PRKAG2: variants seen among roughly 807,000 people sequenced by gnomAD.
PRKAG2 encodes protein kinase AMP-activated non-catalytic subunit gamma 2.
In PRKAG2, 26 loss-of-function variants were observed where a neutral mutation model predicts 69.6. That is an observed-to-expected ratio of 0.37 (90% CI 0.27 to 0.52). The LOEUF (loss-of-function observed/expected upper bound fraction) is 0.52. Ranked by LOEUF, PRKAG2 falls within the 20% of genes least tolerant of loss-of-function variation. The pLI, the probability that PRKAG2 is intolerant of heterozygous loss-of-function variation, is 0.90. For synonymous variants in PRKAG2, 293 were observed against 285.0 expected, an observed-to-expected ratio of 1.03 and a Z score of -0.28; for missense variants, 557 against 740.0, an observed-to-expected ratio of 0.75 and a Z score of 2.87.
chr7:151,758,982 CCATCTCTTTACTGCACAGTAGCCAGA>C (rs2075260595), intron 3 of PRKAG2, among the ~76,000 whole-genome samples: 1 of 152,182 alleles, frequency 6.6e-6, no homozygotes. Flanking sequence ...CCTGTCTCTA[CCATCTCTTTACTGCACAGTAGCCAGA>C]CATCTCTCTG....
At chr7:151,805,577 CTG>C (rs1203318102) in intron 1 of PRKAG2, among the ~76,000 whole-genome samples, 1 of 152,140 alleles carries the variant, frequency 6.6e-6, no homozygotes, top group Non-Finnish European at 1.5e-5. Flanking sequence ...AATCTAAAAA[CTG>C]GGAATCATGG....
Position 151,719,711 on chromosome 7 carries a change from C to T in PRKAG2, c.467-44074G>A, listed in dbSNP as rs1474749796. 1.3e-5 allele frequency among the ~76,000 whole-genome samples: 2 copies of T among 152,166 alleles called. No individual in the cohort carries two copies. Among genetic ancestry groups the T allele is most frequent in the Non-Finnish European group, 2.9e-5 (2 of 68,042 alleles). On this transcript the variant is annotated intron_variant, in intron 3 of 15. Coordinates refer to ENST00000287878, the MANE Select transcript of PRKAG2 (RefSeq NM_016203.4). This position sits in a 1 kb window ranked among gnomAD's most constrained non-coding sequence, Gnocchi z 5.2. ...CAGCACCACTGTCTTGCGATGGGCA[C>T]TGTCACTCCCACCTGGCTTCCCAGA...
rs565194432 is a variant in PRKAG2, at chr7:151,826,912, G to A, written c.115-40371C>T. ...TTTCTGTATTGCACACATACATCACGGCAGAGACTGTGGTCAGGAAAGGCT... is the reference window on the plus strand; with the variant it reads ...TTTCTGTATTGCACACATACATCACAGCAGAGACTGTGGTCAGGAAAGGCT... On this transcript the variant is annotated intron_variant, in intron 1 of 15. Transcript: ENST00000287878. Among the ~76,000 whole-genome samples the A allele has an allele frequency of 5.9e-5, 9 of 152,196 alleles. No homozygotes were observed. In the East Asian group the frequency reaches 1.4e-3, roughly 23 times the overall value.
intron 1 of PRKAG2, among the ~76,000 whole-genome samples, chr7:151,819,048 G>A (rs573189193): frequency 1.2e-4 from 18 of 152,222 alleles, no homozygotes; most frequent in Middle Eastern, 3.2e-3. Flanking sequence ...GCTCCCTGGC[G>A]AAATGAGTGG....
At chr7:151,631,689 T>G (rs1824464588) in intron 5 of PRKAG2, 1 of 458,544 alleles carries the variant, frequency 2.2e-6, no homozygotes. Flanking sequence ...GATTAAAGGG[T>G]CTGGACTGTG....
Position 151,557,075 on chromosome 7 carries a change from G to A in PRKAG2, c.*126C>T. On this transcript the variant is annotated 3_prime_UTR_variant, in exon 16 of 16. Coordinates refer to ENST00000287878, the MANE Select transcript of PRKAG2 (RefSeq NM_016203.4). ...TTTAAGCTTAATTTCAACATCACTG[G>A]AAGAAATACCTATTGTTAAACCCTG... 4.8e-6 allele frequency: 7 copies of A among 1,464,324 alleles called. No homozygotes were observed. The highest frequency in any genetic ancestry group is 6.7e-6 in the Non-Finnish European group (7 of 1,049,844). 90.7% of individuals were successfully genotyped at this position (1,464,324 alleles called of 1,614,324 possible). A position where few individuals can be genotyped will look rare whatever the true frequency, so the allele number is the denominator to read the frequency against.
chr7:151,759,988 T>A (rs530979432), intron 3 of PRKAG2, among the ~76,000 whole-genome samples: 132 of 152,372 alleles, frequency 8.7e-4, no homozygotes, highest in Non-Finnish European at 1.3e-3. Flanking sequence ...TCCCAAGATG[T>A]GGACTGTGGT....
At chr7:151,581,604 T>A (rs1012612827) in intron 6 of PRKAG2, among the ~76,000 whole-genome samples, 25 of 152,208 alleles carry the variant, frequency 1.6e-4, no homozygotes, top group Admixed American at 3.9e-4. Flanking sequence ...AACCCAAGAA[T>A]AAATATTGCT....
At chr7:151,563,911 T>G (rs1423668942) in intron 14 of PRKAG2, among the ~76,000 whole-genome samples, 167 bp downstream of exon 14, 1 of 152,230 alleles carries the variant, frequency 6.6e-6, no homozygotes, top group Admixed American at 6.5e-5. Context: ...ATCGCCTATA[T>G]GCCAAGTAGT....
intron 1 of PRKAG2, among the ~76,000 whole-genome samples, chr7:151,861,730 C>T (rs1261691975): frequency 6.6e-6 from 1 of 151,962 alleles, no homozygotes; most frequent in African/African-American, 2.4e-5. Context: ...GCATCTCAGT[C>T]ATGCTCCCCC....
At chr7:151,696,162 C>T (rs1836604115) in intron 3 of PRKAG2, among the ~76,000 whole-genome samples, 1 of 152,238 alleles carries the variant, frequency 6.6e-6, no homozygotes, top group South Asian at 2.1e-4. Flanking sequence ...TTCACCCCAA[C>T]CAAATACCTC....
At chr7:151,666,777 C>A (rs912838200) in intron 4 of PRKAG2, among the ~76,000 whole-genome samples, 1 of 152,150 alleles carries the variant, frequency 6.6e-6, no homozygotes, top group Non-Finnish European at 1.5e-5. Context: ...AACCAACCAT[C>A]CTGCAGCCTT....
chr7:151,566,683 T>C (rs896285366), intron 11 of PRKAG2: 1 of 399,370 alleles, frequency 2.5e-6, no homozygotes, highest in African/African-American at 2.1e-5. Context: ...TTCATCAATA[T>C]TCAAATCATG....
intron 5 of PRKAG2, among the ~76,000 whole-genome samples, chr7:151,605,918 C>T (rs1349510273): frequency 2.3e-5 from 3 of 130,446 alleles, no homozygotes; most frequent in South Asian, 2.3e-4. Context: ...AGCCTGGCGA[C>T]AGAGCGAGAC....
chr7:151,686,591 T>C (rs1834779621), intron 3 of PRKAG2, among the ~76,000 whole-genome samples: 1 of 152,228 alleles, frequency 6.6e-6, no homozygotes, highest in Non-Finnish European at 1.5e-5. Flanking sequence ...TCCAGCCAGC[T>C]GCTTTGAGAC....
chr7:151,865,439 G>A (rs2080039508), intron 1 of PRKAG2, among the ~76,000 whole-genome samples: 1 of 152,228 alleles, frequency 6.6e-6, no homozygotes, highest in Non-Finnish European at 1.5e-5. Flanking sequence ...TATGTTTTTG[G>A]TGTTTTGGTA....
At chr7:151,650,272 T>C (rs1286153171) in intron 4 of PRKAG2, among the ~76,000 whole-genome samples, 2 of 146,880 alleles carry the variant, frequency 1.4e-5, no homozygotes, top group Non-Finnish European at 3.0e-5. Context: ...TGCTGAGAAG[T>C]GGGCCTGGGT....
chr7:151,756,831 G>A lies in PRKAG2; in HGVS notation c.466+24321C>T, dbSNP rs1420080075. On this transcript the variant is annotated intron_variant, in intron 3 of 15. Coordinates refer to ENST00000287878, the MANE Select transcript of PRKAG2 (RefSeq NM_016203.4). This position sits in a 1 kb window ranked among gnomAD's most constrained non-coding sequence, Gnocchi z 4.9. ...GCAGCCACATAATCAGAACTGTGAC[G>A]TCCGTGTATTAAACTCCATCTGCTT... is the stretch of plus-strand genomic sequence containing the variant. Among the ~76,000 whole-genome samples the A allele has an allele frequency of 2.0e-5, 3 of 152,044 alleles. No homozygotes were observed. Among genetic ancestry groups the A allele is most frequent in the South Asian group, 2.1e-4 (1 of 4,816 alleles).
chr7:151,681,603 C>T (rs1245453218), intron 3 of PRKAG2, among the ~76,000 whole-genome samples: 9 of 151,758 alleles, frequency 5.9e-5, no homozygotes, highest in Non-Finnish European at 8.8e-5. Flanking sequence ...GTTTTTTGCA[C>T]GATGCCACCC....
Sources: gnomAD v4.1 joint callset for allele counts (sites outside exome capture counted in the v4.1 genomes callset) on GRCh38, gnomAD v4.1.1 for gene constraint, Gnocchi (gnomAD v3.1) non-coding constraint, MANE v1.5 for transcripts, NCBI Gene and HGNC (gene_info 2026-07-23, HGNC 2026-07-21) for gene names.